Variants in RPSA2 observed in about 807,000 individuals in gnomAD.
RPSA2 encodes the protein small ribosomal subunit protein uS2B.
the RPSA2 span, chr19:23,832,645 G>T: frequency 6.8e-7 from 1 of 1,461,672 alleles, no homozygotes. Flanking sequence ...CAAATGTGAA[G>T]AAGGTGGCAA....
the RPSA2 span, among the ~76,000 whole-genome samples, chr19:23,824,648 G>T: frequency 9.1e-6 from 1 of 110,016 alleles, no homozygotes; most frequent in Non-Finnish European, 1.7e-5. Flanking sequence ...TGTTCTGACA[G>T]CCTTGACCTC....
chr19:23,851,747 C>G, the RPSA2 span, among the ~76,000 whole-genome samples: 7 of 152,196 alleles, frequency 4.6e-5, no homozygotes, highest in African/African-American at 1.7e-4. Flanking sequence ...TCAGTGAACG[C>G]TGTAACGGCC....
the RPSA2 span, among the ~76,000 whole-genome samples, chr19:23,762,693 G>A: frequency 3.1e-5 from 3 of 97,486 alleles, no homozygotes; most frequent in African/African-American, 3.6e-5. Context: ...AAAAAAAAAA[G>A]TCCAAATGTT....
the RPSA2 span, among the ~76,000 whole-genome samples, chr19:23,867,698 C>T: frequency 1.9e-3 from 293 of 152,104 alleles, 1 homozygote; most frequent in African/African-American, 6.6e-3. Context: ...GGCGTGGTGG[C>T]GGGCGCCTGT....
the RPSA2 span, among the ~76,000 whole-genome samples, chr19:23,772,773 T>C: frequency 5.3e-5 from 8 of 152,300 alleles, no homozygotes; most frequent in Middle Eastern, 3.4e-3. Context: ...ATTGTGACTG[T>C]CATATATGAG....
At chr19:23,800,615 CTT>C in the RPSA2 span, among the ~76,000 whole-genome samples, 146,831 of 150,526 alleles carry the variant, frequency 0.98, 71,705 homozygotes, top group East Asian at 1. Context: ...TTTCTACAAA[CTT>C]TTTTTTTTTT....
chr19:23,761,254 AATTTT>A, the RPSA2 span, among the ~76,000 whole-genome samples: 2 of 151,798 alleles, frequency 1.3e-5, no homozygotes, highest in African/African-American at 4.8e-5. Flanking sequence ...CAATTTTCTA[AATTTT>A]TGTAGAGACT....
At chr19:23,793,585 A>G in the RPSA2 span, among the ~76,000 whole-genome samples, 2 of 150,504 alleles carry the variant, frequency 1.3e-5, no homozygotes, top group Non-Finnish European at 3.0e-5. Flanking sequence ...TTCTTTTGAG[A>G]CAGTCTCACT....
the RPSA2 span, chr19:23,808,745 A>C: frequency 1.2e-6 from 1 of 814,166 alleles, no homozygotes; most frequent in Non-Finnish European, 1.9e-6. Flanking sequence ...GCCAGACCTG[A>C]TCACCTATCT....
the RPSA2 span, among the ~76,000 whole-genome samples, chr19:23,864,717 A>G: frequency 6.6e-6 from 1 of 152,316 alleles, no homozygotes; most frequent in South Asian, 2.1e-4. Flanking sequence ...ACTAATTTGT[A>G]ATTAGACTAC....
the RPSA2 span, among the ~76,000 whole-genome samples, chr19:23,780,011 G>C: frequency 6.6e-6 from 1 of 152,202 alleles, no homozygotes; most frequent in East Asian, 1.9e-4. Flanking sequence ...CTGCCAAGAA[G>C]TTCGTTGGTA....
chr19:23,846,263 C>T, the RPSA2 span, among the ~76,000 whole-genome samples: 1 of 152,008 alleles, frequency 6.6e-6, no homozygotes, highest in South Asian at 2.1e-4. Flanking sequence ...TTTTCTTATT[C>T]ATTTCATAAA....
the RPSA2 span, among the ~76,000 whole-genome samples, chr19:23,806,349 C>G: frequency 1.3e-5 from 2 of 152,086 alleles, no homozygotes; most frequent in African/African-American, 4.8e-5. Context: ...AGCAATGATA[C>G]TCTAGATTTC....
chr19:23,822,811 A>G, the RPSA2 span, among the ~76,000 whole-genome samples: 3,315 of 152,066 alleles, frequency 0.022, 127 homozygotes, highest in African/African-American at 0.076. Context: ...CATAGGGAGG[A>G]GGGGTTTCTA....
the RPSA2 span, chr19:23,763,067 T>C: frequency 0.021 from 3,304 of 154,238 alleles, 130 homozygotes; most frequent in African/African-American, 0.076. Context: ...GTGACTCTGT[T>C]ACAGCCTCTG....
chr19:23,865,132 A>G, the RPSA2 span, among the ~76,000 whole-genome samples: 1 of 152,242 alleles, frequency 6.6e-6, no homozygotes, highest in Admixed American at 6.5e-5. Flanking sequence ...GAAATAGACA[A>G]GATGAATGGG....
At chr19:23,859,251 A>G in the RPSA2 span, among the ~76,000 whole-genome samples, 1 of 152,312 alleles carries the variant, frequency 6.6e-6, no homozygotes, top group South Asian at 2.1e-4. Flanking sequence ...ACATCAAATT[A>G]TACTTCCAGT....
chr19:23,762,550 C>A, the RPSA2 span, among the ~76,000 whole-genome samples: 4 of 151,572 alleles, frequency 2.6e-5, no homozygotes, highest in Non-Finnish European at 4.4e-5. Context: ...GTGGCATGCG[C>A]CTGTAATCCC....
At chr19:23,826,061 T>A in the RPSA2 span, among the ~76,000 whole-genome samples, 1 of 151,080 alleles carries the variant, frequency 6.6e-6, no homozygotes, top group Non-Finnish European at 1.5e-5. Context: ...CACAAAATAT[T>A]TTTAAATATT....
Sources: gnomAD v4.1 joint callset for allele counts (sites outside exome capture counted in the v4.1 genomes callset) on GRCh38, gnomAD v4.1.1 for gene constraint, MANE v1.5 for transcripts, NCBI Gene and HGNC (gene_info 2026-07-23, HGNC 2026-07-21) for gene names.